The following WFDC2 variants were observed in gnomAD, a reference collection of about 807,000 sequenced individuals.
The protein encoded by WFDC2 is WAP four-disulfide core domain protein 2.
Under a neutral mutation model 12.5 loss-of-function variants are expected in WFDC2, and 8 were observed. The observed-to-expected ratio is 0.64, with a 90% CI of 0.37 to 1.15. The LOEUF (loss-of-function observed/expected upper bound fraction) is 1.15. Ranked by LOEUF, WFDC2 falls within the 50% of genes most tolerant of loss-of-function variation. The pLI is 0.01. For synonymous variants in WFDC2, 74 were observed against 67.2 expected, an observed-to-expected ratio of 1.10 and a Z score of -0.49; for missense variants, 166 against 159.9, an observed-to-expected ratio of 1.04 and a Z score of -0.21.
rs1991161806 is a variant in WFDC2, at chr20:45,470,807, T to C, written c.223+275T>C. The stretch of plus-strand genomic sequence containing the variant: ...CTTCCGGGCACGCACAGCCGGGACA[T>C]TGTTCCCCGCGGCCTGGGGACCCGG... On this transcript the variant is annotated intron_variant, in intron 2 of 3. Coordinates refer to ENST00000372676, the MANE Select transcript of WFDC2 (RefSeq NM_006103.4). This position sits in a 1 kb window ranked among gnomAD's most constrained non-coding sequence, Gnocchi z 5.4. Among the ~76,000 whole-genome samples, 1 of 152,128 alleles carries C rather than the reference T, an allele frequency of 6.6e-6. No homozygotes were observed. The highest frequency in any genetic ancestry group is 2.1e-4 in the South Asian group (1 of 4,832).
At position 45,478,502 on chromosome 20, in the gene WFDC2, C is replaced by A. The variant is rs1471180911; in HGVS notation, c.224-1440C>A. On this transcript the variant is annotated intron_variant, in intron 2 of 3. Transcript: ENST00000372676. The stretch of plus-strand genomic sequence containing the variant: ...TCCGTGGGCTGCACCCACTGTCTAA[C>A]CAGTCCCAATGAGATGAGCCACGTA... 2.6e-5 allele frequency among the ~76,000 whole-genome samples: 4 copies of A among 152,190 alleles called. No individual in the cohort carries two copies. The South Asian group carries it at 8.3e-4, about 31-fold the overall frequency.
intron 2 of WFDC2, among the ~76,000 whole-genome samples, chr20:45,473,396 C>A (rs1369520966): frequency 6.6e-6 from 1 of 152,202 alleles, no homozygotes; most frequent in African/African-American, 2.4e-5. Context: ...CAGTTTTCTG[C>A]ATATGGCTAG....
In WFDC2 at chr20:45,470,457, G is replaced by C. The variant is rs146933501; in HGVS notation, c.148G>C (p.Val50Leu). The change falls in exon 2 of 4, where the codon GTC becomes CTC. Residue 50 changes from valine (V) to leucine (L), a missense_variant. By Grantham distance (32) the Val-to-Leu change is conservative (BLOSUM62 1). Transcript: ENST00000372676. This position sits in a 1 kb window ranked among gnomAD's most constrained non-coding sequence, Gnocchi z 5.4. The stretch of plus-strand genomic sequence containing the variant: ...TGACCAGAACTGCACGCAAGAGTGC[G>C]TCTCGGACAGCGAATGCGCCGACAA... ...QADQNCTQEC[V>L]SDSECADNLK... 6.3e-7 allele frequency: 1 copy of C among 1,595,138 alleles called. No homozygotes were observed. The highest frequency in any genetic ancestry group is 8.5e-7 in the Non-Finnish European group (1 of 1,170,182).
intron 2 of WFDC2, among the ~76,000 whole-genome samples, chr20:45,477,977 A>T (rs2145505998): frequency 6.6e-6 from 1 of 152,136 alleles, no homozygotes; most frequent in South Asian, 2.1e-4. Flanking sequence ...AAAACTGCCT[A>T]CTCAAGCCTC....
Position 45,470,370 on chromosome 20 carries a change from C to T in WFDC2, c.80-19C>T. 6.4e-7 allele frequency: 1 copy of T among 1,569,962 alleles called. No individual in the cohort carries two copies. Among genetic ancestry groups the T allele is most frequent in the East Asian group, 2.4e-5 (1 of 42,548 alleles). ...GGCGCTACGCCCCACCCTCGACTGTCCCGGGCCTCCCCTCCCAGGCACAGG... is the reference window on the plus strand; with the variant it reads ...GGCGCTACGCCCCACCCTCGACTGTTCCGGGCCTCCCCTCCCAGGCACAGG... On this transcript the variant is annotated intron_variant, in intron 1 of 3. Transcript: ENST00000372676. The surrounding 1 kb of genome is among the most constrained non-coding windows in gnomAD (Gnocchi z 5.4).
chr20:45,470,150 C>G lies in WFDC2; in HGVS notation c.80-239C>G, dbSNP rs1214418238. ...ACCTCGGAAGCTCCGAGACGCTCAGCTGTGCGGCGTCCCCTAGGGCTGAGA... is the reference window on the plus strand; with the variant it reads ...ACCTCGGAAGCTCCGAGACGCTCAGGTGTGCGGCGTCCCCTAGGGCTGAGA... On this transcript the variant is annotated intron_variant, in intron 1 of 3. Coordinates refer to ENST00000372676, the MANE Select transcript of WFDC2 (RefSeq NM_006103.4). This position sits in a 1 kb window ranked among gnomAD's most constrained non-coding sequence, Gnocchi z 5.4. Among the ~76,000 whole-genome samples the G allele has an allele frequency of 6.6e-6, 1 of 152,134 alleles. No homozygotes were observed. The highest frequency in any genetic ancestry group is 1.5e-5 in the Non-Finnish European group (1 of 68,010).
At chr20:45,480,698 C>T (rs1233663523) in intron 3 of WFDC2, among the ~76,000 whole-genome samples, 1 of 152,148 alleles carries the variant, frequency 6.6e-6, no homozygotes, top group African/African-American at 2.4e-5. Context: ...CTACTTTTAA[C>T]AATTTCTCAG....
intron 2 of WFDC2, among the ~76,000 whole-genome samples, chr20:45,476,391 C>G (rs1278372024): frequency 1.3e-5 from 2 of 152,172 alleles, no homozygotes. Flanking sequence ...AATCCCTCAG[C>G]ATTTGTTTGT....
rs1306235894 is a variant in WFDC2 at position 45,470,511 on chromosome 20, A to C, written c.202A>C (p.Thr68Pro). 4.4e-6 allele frequency: 7 copies of C among 1,598,446 alleles called. No individual in the cohort carries two copies. The highest frequency in any genetic ancestry group is 6.0e-6 in the Non-Finnish European group (7 of 1,172,330). Residue 68 changes from threonine to proline, a missense_variant, in exon 2 of 4, where the codon ACC (threonine) becomes CCC (proline). Physicochemically the swap from Thr to Pro is conservative, Grantham distance 38 (BLOSUM62 -1). Coordinates refer to ENST00000372676, the MANE Select transcript of WFDC2 (RefSeq NM_006103.4). The surrounding 1 kb of genome is among the most constrained non-coding windows in gnomAD (Gnocchi z 5.4). Reference protein sequence around the residue: ...NLKCCSAGCATFCSLPNDKEG... With the variant: ...NLKCCSAGCAPFCSLPNDKEG... ...CAAGTGCTGCAGCGCGGGCTGTGCC[A>C]CCTTCTGCTCTCTGCCCAATGGTAA... is the stretch of plus-strand genomic sequence containing the variant.
In WFDC2 at chr20:45,470,476, C is replaced by A. The variant is rs780558842; in HGVS notation, c.167C>A (p.Ala56Asp). The stretch of plus-strand genomic sequence containing the variant: ...GAGTGCGTCTCGGACAGCGAATGCG[C>A]CGACAACCTCAAGTGCTGCAGCGCG... The part of the protein sequence containing the change: ...TQECVSDSEC[A>D]DNLKCCSAGC... The change falls in exon 2 of 4, where the codon GCC (alanine) becomes GAC (aspartate). Residue 56 changes from alanine (A) to aspartate (D), a missense_variant. Ala to Asp is a moderately radical substitution (Grantham distance 126, BLOSUM62 -2). Coordinates refer to ENST00000372676, the MANE Select transcript of WFDC2 (RefSeq NM_006103.4). This position sits in a 1 kb window ranked among gnomAD's most constrained non-coding sequence, Gnocchi z 5.4. 7 of 1,597,490 alleles carry A rather than the reference C, an allele frequency of 4.4e-6. No individual in the cohort carries two copies. The East Asian group carries it at 1.4e-4, about 31-fold the overall frequency.
In WFDC2 at chr20:45,469,834, T is replaced by G; in HGVS notation, c.53T>G (p.Leu18Arg). 1 of 1,611,256 alleles carries G rather than the reference T, an allele frequency of 6.2e-7. No individual in the cohort carries two copies. The highest frequency in any genetic ancestry group is 8.5e-7 in the Non-Finnish European group (1 of 1,179,012). The stretch of plus-strand genomic sequence containing the variant: ...GCCGCCGCCCTCCTCCTCAGCCTGC[T>G]GCTGTTCGGCTTCACCCTAGTCTCA... ...PLAAALLLSL[L>R]LFGFTLVSGT... The change falls in exon 1 of 4, where the codon CTG becomes CGG. Residue 18 changes from leucine (L) to arginine (R), a missense_variant. Transcript: ENST00000372676.
At chr20:45,474,602 C>T (rs1397646960) in intron 2 of WFDC2, among the ~76,000 whole-genome samples, 1 of 152,186 alleles carries the variant, frequency 6.6e-6, no homozygotes, top group Non-Finnish European at 1.5e-5. Flanking sequence ...AGGATTTTCG[C>T]ACTGATGTTC....
chr20:45,474,963 C>T (rs538687477), intron 2 of WFDC2, among the ~76,000 whole-genome samples: 1 of 152,242 alleles, frequency 6.6e-6, no homozygotes, highest in East Asian at 1.9e-4. Context: ...AGTTTATTTG[C>T]GTAGAGGTGT....
intron 3 of WFDC2, among the ~76,000 whole-genome samples, chr20:45,480,682 C>T (rs1991291400): frequency 6.6e-6 from 1 of 152,132 alleles, no homozygotes; most frequent in East Asian, 1.9e-4. Flanking sequence ...TCGTGGTTGT[C>T]ATGTGCTACT....
chr20:45,471,071 GA>G, intron 2 of WFDC2: 4 of 465,542 alleles, frequency 8.6e-6, no homozygotes, highest in Non-Finnish European at 1.8e-5. Context: ...GCATCGGTGA[GA>G]AAAAAATGTT....
At position 45,470,627 on chromosome 20, in the gene WFDC2, G is replaced by A; in HGVS notation, c.223+95G>A. 1 of 1,438,990 alleles carries A rather than the reference G, an allele frequency of 6.9e-7. No homozygotes were observed. The highest frequency in any genetic ancestry group is 9.2e-7 in the Non-Finnish European group (1 of 1,092,286). The allele number at this position is 1,438,990 out of a possible 1,614,324, so 89.1% of individuals were successfully genotyped here. On this transcript the variant is annotated intron_variant, in intron 2 of 3. Coordinates refer to ENST00000372676, the MANE Select transcript of WFDC2 (RefSeq NM_006103.4). This position sits in a 1 kb window ranked among gnomAD's most constrained non-coding sequence, Gnocchi z 5.4. ...GGTTCCGGGAACAGGGGCGCCCCCG[G>A]ACCCGGGGACCCCCGGGAAAGTCAA...
intron 2 of WFDC2, among the ~76,000 whole-genome samples, chr20:45,476,684 G>A (rs1991236965): frequency 6.6e-6 from 1 of 152,176 alleles, no homozygotes; most frequent in Non-Finnish European, 1.5e-5. Context: ...TCTTTGAGGT[G>A]TTCTCTGTAT....
intron 2 of WFDC2, among the ~76,000 whole-genome samples, chr20:45,478,318 G>T (rs570116213): frequency 4.7e-4 from 72 of 152,324 alleles, no homozygotes; most frequent in African/African-American, 1.7e-3. Flanking sequence ...CTCTTGGTCT[G>T]TGGGTTGTGA....
chr20:45,470,655 C>T lies in WFDC2; in HGVS notation c.223+123C>T, dbSNP rs945962033. The T allele has an allele frequency of 3.8e-6, 5 of 1,330,654 alleles. No individual in the cohort carries two copies. The East Asian group carries it at 1.0e-4, about 27-fold the overall frequency. 82.4% of individuals were successfully genotyped at this position (1,330,654 alleles called of 1,614,324 possible). On this transcript the variant is annotated intron_variant, in intron 2 of 3. Coordinates refer to ENST00000372676, the MANE Select transcript of WFDC2 (RefSeq NM_006103.4). This position sits in a 1 kb window ranked among gnomAD's most constrained non-coding sequence, Gnocchi z 5.4. ...CCGGGGACCCCCGGGAAAGTCAAGG[C>T]GGTTGAAACCAGATCCGTCAGTCCT...
Sources: gnomAD v4.1 joint callset for allele counts (sites outside exome capture counted in the v4.1 genomes callset) on GRCh38, gnomAD v4.1.1 for gene constraint, Gnocchi (gnomAD v3.1) non-coding constraint, MANE v1.5 for transcripts, NCBI Gene and HGNC (gene_info 2026-07-23, HGNC 2026-07-21) for gene names.